The following TRMT44 variants were observed in gnomAD, a reference collection of about 807,000 sequenced individuals.
TRMT44 encodes probable tRNA (uracil-O(2)-)-methyltransferase.
A neutral mutation model predicts 77.3 loss-of-function variants in TRMT44; 78 were observed. The observed-to-expected ratio is 1.01, with a 90% CI of 0.84 to 1.22. The LOEUF is 1.22. Ranked by LOEUF, TRMT44 falls within the 50% of genes most tolerant of loss-of-function variation. TRMT44 has a pLI of 0.00. For missense variants in TRMT44, 1,090 were observed against 964.4 expected, an observed-to-expected ratio of 1.13 and a Z score of -1.73; for synonymous variants, 391 against 383.3, an observed-to-expected ratio of 1.02 and a Z score of -0.23.
At chr4:8,490,465 C>T (rs1727962912) in intron 2 of TRMT44, among the ~76,000 whole-genome samples, 1 of 151,092 alleles carries the variant, frequency 6.6e-6, no homozygotes, top group African/African-American at 2.4e-5. Context: ...CTTAAGGCAG[C>T]GCGTCTGGAG....
the TRMT44 span, among the ~76,000 whole-genome samples, chr4:8,503,025 C>T: frequency 2.6e-5 from 4 of 152,158 alleles, no homozygotes; most frequent in Non-Finnish European, 5.9e-5. Context: ...GGGGGCGTTC[C>T]CCACCCCTCA....
intron 10 of TRMT44, 82 bp downstream of exon 10, chr4:8,471,282 GT>G: frequency 5.1e-6 from 5 of 978,472 alleles, no homozygotes; most frequent in Non-Finnish European, 6.0e-6. Context: ...TTTTAGAGTG[GT>G]TTAGACTCAC....
intron 2 of TRMT44, among the ~76,000 whole-genome samples, chr4:8,448,862 C>T (rs1725237502): frequency 6.6e-6 from 1 of 152,238 alleles, no homozygotes; most frequent in South Asian, 2.1e-4. Context: ...TTGTGAGGCC[C>T]TCCGGCTCTG....
At position 8,471,058 on chromosome 4, in the gene TRMT44, GAAA is replaced by G. The variant is rs752333810; in HGVS notation, c.1928-18_1928-16del. ...CGTAATATTTTGCTGTTGTTTTGGG[GAAA>G]AAAAAAACCCGTTTTTCCACAGAGA... On this transcript the variant is annotated intron_variant, in intron 9 of 10. Transcript: ENST00000389737. 75 of 1,333,860 alleles carry G rather than the reference GAAA, an allele frequency of 5.6e-5. No individual in the cohort carries two copies. The African/African-American group carries it at 1.1e-3, about 19-fold the overall frequency. 82.6% of individuals were successfully genotyped at this position (1,333,860 alleles called of 1,614,324 possible).
intron 3 of TRMT44, among the ~76,000 whole-genome samples, chr4:8,450,642 G>C (rs1288110211): frequency 6.6e-6 from 1 of 152,094 alleles, no homozygotes. Context: ...CAGGGACCCC[G>C]AATTGGGGGC....
At chr4:8,470,494 T>C (rs1726908303) in intron 9 of TRMT44, among the ~76,000 whole-genome samples, 1 of 152,258 alleles carries the variant, frequency 6.6e-6, no homozygotes, top group Non-Finnish European at 1.5e-5. Context: ...TAAATGACTT[T>C]AATGTCACCA....
At position 8,464,069 on chromosome 4, in the gene TRMT44, T is replaced by C. The variant is rs937164062; in HGVS notation, c.1288T>C (p.Trp430Arg). 3.7e-6 allele frequency: 6 copies of C among 1,614,010 alleles called. No individual in the cohort carries two copies. The highest frequency in any genetic ancestry group is 5.1e-6 in the Non-Finnish European group (6 of 1,179,948). Residue 430 changes from tryptophan to arginine, a missense_variant, in exon 7 of 11, where the codon TGG becomes CGG. Physicochemically the swap from Trp to Arg is moderately radical, Grantham distance 101. Transcript: ENST00000389737. ...TAACCATTCTGATGAACTCACACCA[T>C]GGATACCTGTCATTGCAGCCAGGTG... ...IGNHSDELTP[W>R]IPVIAARSSY...
At chr4:8,491,005 C>G (rs913725523) in intron 2 of TRMT44, among the ~76,000 whole-genome samples, 1 of 151,918 alleles carries the variant, frequency 6.6e-6, no homozygotes, top group African/African-American at 2.4e-5. Context: ...CATTCACAAA[C>G]CTTGAGCTAA....
intron 10 of TRMT44, 25 bp downstream of exon 10, chr4:8,471,225 C>A: frequency 7.0e-7 from 1 of 1,438,318 alleles, no homozygotes; most frequent in Non-Finnish European, 9.5e-7. Context: ...TCTCCCCCGC[C>A]GTTCTTTCCT....
In TRMT44 at chr4:8,488,907, G is replaced by A. The variant is rs144999054; in HGVS notation, n.3892-4359G>A. Reference sequence around the variant, plus strand: ...TGGTATTTGGAGGGGGAACCACTGCGACGAAGGGAGGAAAATCACCAGTAA... The same window carrying A: ...TGGTATTTGGAGGGGGAACCACTGCAACGAAGGGAGGAAAATCACCAGTAA... On this transcript the variant is annotated intron_variant and non_coding_transcript_variant, in intron 2 of 2. Coordinates refer to the TRMT44 transcript ENST00000511366. 3.0e-4 allele frequency among the ~76,000 whole-genome samples: 46 copies of A among 152,320 alleles called. No homozygotes were observed. In the East Asian group the frequency reaches 8.1e-3, roughly 27 times the overall value.
downstream of TRMT44, among the ~76,000 whole-genome samples, chr4:8,480,467 G>T (rs1206405810): frequency 6.6e-6 from 1 of 152,190 alleles, no homozygotes; most frequent in Non-Finnish European, 1.5e-5. Context: ...TTGTGAAGTT[G>T]TATGTATGTT....
At position 8,444,970 on chromosome 4, in the gene TRMT44, G is replaced by A. The variant is rs780053934; in HGVS notation, c.620-1506G>A. Among the ~76,000 whole-genome samples the A allele has an allele frequency of 6.6e-6, 1 of 152,204 alleles. No homozygotes were observed. The highest frequency in any genetic ancestry group is 6.5e-5 in the Admixed American group (1 of 15,280). On this transcript the variant is annotated intron_variant, in intron 1 of 10. Transcript: ENST00000389737. The surrounding 1 kb of genome is among the most constrained non-coding windows in gnomAD (Gnocchi z 4.0). ...GGGGTTGCCACACTGGGCAGGGAGG[G>A]AGAGGATGCTGCTGGCATCTAGTGG...
chr4:8,459,603 CT>C (rs1451071292), intron 6 of TRMT44, among the ~76,000 whole-genome samples: 1 of 152,196 alleles, frequency 6.6e-6, no homozygotes, highest in Non-Finnish European at 1.5e-5. Context: ...CCTACCTGGA[CT>C]TTAAAGATTT....
In TRMT44 at chr4:8,468,302, CAAG is replaced by C. The variant is rs748372970; in HGVS notation, c.1887_1889del (p.Arg629del). ...CTGTTAGGTGGAAAGCAATTAAACA[CAAG>C]AAGTTCTCGAAATGGGAGTTTGAAG... is the stretch of plus-strand genomic sequence containing the variant. On this transcript the variant is annotated inframe_deletion, in exon 9 of 11. Transcript: ENST00000389737. The C allele has an allele frequency of 3.1e-6, 5 of 1,614,056 alleles. No individual in the cohort carries two copies. In the South Asian group the frequency reaches 3.3e-5, roughly 11 times the overall value.
At chr4:8,511,393 C>G in the TRMT44 span, among the ~76,000 whole-genome samples, 3 of 152,280 alleles carry the variant, frequency 2.0e-5, no homozygotes, top group South Asian at 4.1e-4. Context: ...CCCCCTCCCC[C>G]ACAAAATGCC....
At chr4:8,441,564 G>GT in intron 1 of TRMT44, 123 bp downstream of exon 1, 1 of 1,207,094 alleles carries the variant, frequency 8.3e-7, no homozygotes, top group Non-Finnish European at 1.1e-6. Context: ...GTTGTTAGGT[G>GT]TTTCATAGTT....
chr4:8,475,414 T>C (rs971210541), intron 10 of TRMT44, among the ~76,000 whole-genome samples: 2 of 152,210 alleles, frequency 1.3e-5, no homozygotes, highest in Non-Finnish European at 2.9e-5. Flanking sequence ...CCCAGCTCTG[T>C]CCTCTGCCCT....
rs114063176 is a variant in TRMT44 at position 8,481,556 on chromosome 4, G to A, written n.3891+2023G>A. 5.8e-3 allele frequency among the ~76,000 whole-genome samples: 880 copies of A among 152,292 alleles called. 7 individuals are homozygous for A. Among genetic ancestry groups the A allele is most frequent in the African/African-American group, 0.015 (606 of 41,560 alleles). On this transcript the variant is annotated intron_variant and non_coding_transcript_variant, in intron 2 of 2. Transcript: ENST00000511366. Reference sequence around the variant, plus strand: ...GGTTGGGGTAGCCCTTTCCTGTCCCGCTGCTGCCTGCCTACCAACCTACTA... The same window carrying A: ...GGTTGGGGTAGCCCTTTCCTGTCCCACTGCTGCCTGCCTACCAACCTACTA...
Position 8,476,272 on chromosome 4 carries a change from C to T in TRMT44, c.*271C>T, listed in dbSNP as rs754089670. ...GCATCTTCATATCATAAAGATTGTGCACGGATCCTTACAATGTCTCCTGGG... is the reference window on the plus strand; with the variant it reads ...GCATCTTCATATCATAAAGATTGTGTACGGATCCTTACAATGTCTCCTGGG... On this transcript the variant is annotated 3_prime_UTR_variant, in exon 11 of 11. Transcript: ENST00000389737. 57 of 513,414 alleles carry T rather than the reference C, an allele frequency of 1.1e-4. 1 individual carries two copies. The highest frequency in any genetic ancestry group is 1.5e-4 in the Non-Finnish European group (43 of 284,832). The allele number at this position is 513,414 out of a possible 1,614,324, so 31.8% of individuals were successfully genotyped here. A position where few individuals can be genotyped will look rare whatever the true frequency, so the allele number is the denominator to read the frequency against.
Sources: allele counts gnomAD v4.1 joint callset (sites outside exome capture counted in the v4.1 genomes callset), GRCh38; gene constraint gnomAD v4.1.1; non-coding constraint Gnocchi (gnomAD v3.1); transcripts MANE v1.5; gene names NCBI Gene and HGNC (gene_info 2026-07-23, HGNC 2026-07-21).